The following ADARB2 variants were observed in gnomAD, a reference collection of about 807,000 sequenced individuals.
ADARB2 encodes adenosine deaminase RNA specific B2 (inactive), also known as inactive double-stranded RNA-specific editase B2.
ADARB2 carries 25 observed loss-of-function variants against 62.2 expected under a neutral mutation model. That is an observed-to-expected ratio of 0.40 (90% confidence interval 0.29 to 0.56). ADARB2 has a LOEUF of 0.56. Among genes scored for constraint, ADARB2 ranks in the 20% least tolerant of loss-of-function variants. The probability of loss-of-function intolerance (pLI) is 0.43; values close to 1 mark genes in which losing one functional copy is unlikely to be tolerated. For synonymous variants in ADARB2, 572 were observed against 500.8 expected (o/e 1.14, Z -1.90); for missense variants, 1,071 against 1,077.4 (o/e 0.99, Z 0.08).
chr10:1,266,742 G>C (rs1831208312), intron 4 of ADARB2, among the ~76,000 whole-genome samples: 1 of 152,212 alleles, frequency 6.6e-6, no homozygotes, highest in Non-Finnish European at 1.5e-5. Flanking sequence ...GAAACAGAAA[G>C]CCACTGCCCC....
At chr10:1,200,270 A>C in intron 7 of ADARB2, 123 bp from the exon 8 acceptor site, 1 of 1,355,134 alleles carries the variant, frequency 7.4e-7, no homozygotes, top group South Asian at 1.2e-5. Context: ...GACCTTGGGG[A>C]GCTCCCTGGG....
At chr10:1,378,181 T>G (rs1019023563) in intron 2 of ADARB2, among the ~76,000 whole-genome samples, 11 of 152,148 alleles carry the variant, frequency 7.2e-5, no homozygotes, top group Non-Finnish European at 1.2e-4. Flanking sequence ...AGCCACACAC[T>G]CCTGGATCCT....
chr10:1,320,119 C>G lies in ADARB2; in HGVS notation c.1077+42909G>C, dbSNP rs144149686. ...TTCACATCTTGCCTCCATCCTCAGA[C>G]TCACAGTGGCCTCCAGCCGCCCAAC... On this transcript the variant is annotated intron_variant, in intron 3 of 9. Coordinates refer to ENST00000381312, the MANE Select transcript of ADARB2 (RefSeq NM_018702.4). Among the ~76,000 whole-genome samples the G allele has an allele frequency of 1.3e-3, 205 of 152,330 alleles. 1 individual carries two copies. The Middle Eastern group carries it at 0.014, about 10-fold the overall frequency.
intron 1 of ADARB2, among the ~76,000 whole-genome samples, chr10:1,563,222 C>T (rs544164602): frequency 2.0e-5 from 3 of 151,724 alleles, no homozygotes; most frequent in African/African-American, 4.8e-5. Flanking sequence ...TCTGTCCCTG[C>T]GACTCCCCAG....
chr10:1,289,206 A>G (rs1018335355), intron 3 of ADARB2, among the ~76,000 whole-genome samples: 2 of 152,212 alleles, frequency 1.3e-5, no homozygotes, highest in Admixed American at 1.3e-4. Flanking sequence ...TGCCAATCAG[A>G]AAAATGTTAT....
intron 1 of ADARB2, among the ~76,000 whole-genome samples, chr10:1,544,964 C>T (rs1832497471): frequency 6.6e-6 from 1 of 151,592 alleles, no homozygotes; most frequent in Non-Finnish European, 1.5e-5. Context: ...TATACACACA[C>T]ACACACACAC....
At chr10:1,201,117 T>C (rs955651355) in intron 7 of ADARB2, among the ~76,000 whole-genome samples, 1 of 152,224 alleles carries the variant, frequency 6.6e-6, no homozygotes, top group African/African-American at 2.4e-5. Flanking sequence ...TTAAATTTTA[T>C]TCCAAAAACA....
At chr10:1,323,250 TAAAAA>T (rs201803705) in intron 3 of ADARB2, among the ~76,000 whole-genome samples, 1,338 of 130,446 alleles carry the variant, frequency 0.01, 15 homozygotes, top group African/African-American at 0.029. Flanking sequence ...TTTGAAATTG[TAAAAA>T]AAAAAAAAAA....
Position 1,178,066 on chromosome 10 carries a change from T to C in ADARB2, c.*5127A>G, listed in dbSNP as rs879327000. ...ACATTCAGGAGAGTCCAAAAATGAC[T>C]GCAGCAACTCCCTGTGCACAAGGCA... On this transcript the variant is annotated 3_prime_UTR_variant, in exon 10 of 10. Coordinates refer to ENST00000381312, the MANE Select transcript of ADARB2 (RefSeq NM_018702.4). 1 of 152,236 alleles carries C rather than the reference T, an allele frequency of 6.6e-6. No homozygotes were observed. Among genetic ancestry groups the C allele is most frequent in the East Asian group, 1.9e-4 (1 of 5,190 alleles). 9.4% of individuals were successfully genotyped at this position (152,236 alleles called of 1,614,324 possible). A position where few individuals can be genotyped will look rare whatever the true frequency, so the allele number is the denominator to read the frequency against.
intron 3 of ADARB2, among the ~76,000 whole-genome samples, chr10:1,306,631 G>A (rs1359375114): frequency 7.3e-6 from 1 of 137,440 alleles, no homozygotes; most frequent in Non-Finnish European, 1.6e-5. Context: ...AACAAAGCTG[G>A]AGGCATCACA....
In ADARB2 at chr10:1,272,276, G is replaced by C. The variant is rs376705690; in HGVS notation, c.1078-1207C>G. On this transcript the variant is annotated intron_variant, in intron 3 of 9. Transcript: ENST00000381312. ...TTGATACTGTGCAGCATTGGGCCTGGTTTCCACATTTCCACCGGGCGTGTG... is the reference window on the plus strand; with the variant it reads ...TTGATACTGTGCAGCATTGGGCCTGCTTTCCACATTTCCACCGGGCGTGTG... Among the ~76,000 whole-genome samples the C allele has an allele frequency of 2.2e-3, 334 of 152,296 alleles. 1 individual carries two copies. Among genetic ancestry groups the C allele is most frequent in the African/African-American group, 7.6e-3 (315 of 41,556 alleles).
intron 3 of ADARB2, among the ~76,000 whole-genome samples, chr10:1,332,786 T>C (rs1420684143): frequency 1.3e-5 from 2 of 152,248 alleles, no homozygotes; most frequent in Non-Finnish European, 2.9e-5. Context: ...ATCAATTTAT[T>C]TGAGGAAAAA....
At chr10:1,551,174 G>GGACACAGAGAGAAGAC (rs1170474907) in intron 1 of ADARB2, among the ~76,000 whole-genome samples, 1 of 152,150 alleles carries the variant, frequency 6.6e-6, no homozygotes, top group Non-Finnish European at 1.5e-5. Context: ...GACCCTGTGA[G>GGACACAGAGAGAAGAC]GACACAGAGA....
At chr10:1,435,033 G>T (rs1242215075) in intron 1 of ADARB2, among the ~76,000 whole-genome samples, 2 of 152,246 alleles carry the variant, frequency 1.3e-5, no homozygotes, top group Non-Finnish European at 2.9e-5. Context: ...TTCGTTGGGG[G>T]AAGATTCAGA....
chr10:1,544,956 T>TATACAC lies in ADARB2; in HGVS notation c.101-165797_101-165796insGTGTAT, dbSNP rs10526252. ...ATGTGAAGTCTATAATAGCAAAGTA[T>TATACAC]ACACACACACACACACACACACACA... On this transcript the variant is annotated intron_variant, in intron 1 of 9. Coordinates refer to ENST00000381312, the MANE Select transcript of ADARB2 (RefSeq NM_018702.4). Among the ~76,000 whole-genome samples the TATACAC allele has an allele frequency of 6.9e-3, 925 of 133,930 alleles. 10 individuals are homozygous for TATACAC. The highest frequency in any genetic ancestry group is 0.018 in the African/African-American group (674 of 36,566). 87.9% of individuals were successfully genotyped at this position (133,930 alleles called of 152,430 possible). A position where few individuals can be genotyped will look rare whatever the true frequency, so the allele number is the denominator to read the frequency against.
chr10:1,676,714 G>A (rs961773127), intron 1 of ADARB2, among the ~76,000 whole-genome samples: 3 of 152,160 alleles, frequency 2.0e-5, no homozygotes, highest in African/African-American at 7.2e-5. Flanking sequence ...GAGGGTCTTA[G>A]AAATATTTAG....
At chr10:1,731,149 T>C (rs1029621978) in intron 1 of ADARB2, among the ~76,000 whole-genome samples, 2 of 152,192 alleles carry the variant, frequency 1.3e-5, no homozygotes, top group African/African-American at 2.4e-5. Flanking sequence ...AGCAAACATG[T>C]CAGTTTCTAA....
At chr10:1,650,556 A>G (rs947780225) in intron 1 of ADARB2, among the ~76,000 whole-genome samples, 15 of 152,202 alleles carry the variant, frequency 9.9e-5, no homozygotes, top group Non-Finnish European at 1.8e-4. Context: ...CTTCCCATAC[A>G]AAAGTGGCAG....
chr10:1,233,147 C>T (rs2131769932), intron 6 of ADARB2, among the ~76,000 whole-genome samples: 1 of 152,272 alleles, frequency 6.6e-6, no homozygotes, highest in Non-Finnish European at 1.5e-5. Flanking sequence ...CTGCCCTTTG[C>T]TGATGGAGAG....
Sources: gnomAD v4.1 joint callset for allele counts (sites outside exome capture counted in the v4.1 genomes callset) on GRCh38, gnomAD v4.1.1 for gene constraint, MANE v1.5 for transcripts, NCBI Gene and HGNC (gene_info 2026-07-23, HGNC 2026-07-21) for gene names.